The following KCNIP1 variants were observed in gnomAD, a reference collection of about 807,000 sequenced individuals.
KCNIP1 encodes potassium voltage-gated channel interacting protein 1.
Under a neutral mutation model 33.0 loss-of-function variants are expected in KCNIP1, and 18 were observed. The observed-to-expected ratio is 0.55, with a 90% CI of 0.38 to 0.81. The LOEUF (loss-of-function observed/expected upper bound fraction) is 0.81, where lower values mean the gene tolerates loss of function less well. KCNIP1 is among the 30% of genes least tolerant of loss of function. The pLI, the probability that KCNIP1 is intolerant of heterozygous loss-of-function variation, is 0.00. For synonymous variants in KCNIP1, 93 were observed against 98.3 expected, an observed-to-expected ratio of 0.95 and a Z score of 0.32; for missense variants, 238 against 271.6, an observed-to-expected ratio of 0.88 and a Z score of 0.87.
intron 1 of KCNIP1, chr5:170,383,814 CTCAA>C: frequency 6.2e-7 from 1 of 1,614,130 alleles, no homozygotes; most frequent in East Asian, 2.2e-5. Flanking sequence ...TGATGTTGGT[CTCAA>C]TCAGGTGGCA....
chr5:170,617,772 T>A (rs1759443541), intron 1 of KCNIP1, among the ~76,000 whole-genome samples: 1 of 152,218 alleles, frequency 6.6e-6, no homozygotes, highest in Non-Finnish European at 1.5e-5. Flanking sequence ...ATTCTTTTTT[T>A]ATGACCCACC....
chr5:170,649,216 G>A (rs1460583341), intron 1 of KCNIP1, among the ~76,000 whole-genome samples: 1 of 151,966 alleles, frequency 6.6e-6, no homozygotes, highest in Non-Finnish European at 1.5e-5. Context: ...AACATTTGTT[G>A]CAGTATCATT....
intron 1 of KCNIP1, among the ~76,000 whole-genome samples, chr5:170,498,758 A>G (rs904576467): frequency 2.0e-5 from 3 of 152,246 alleles, no homozygotes; most frequent in African/African-American, 7.2e-5. Flanking sequence ...ACATTTGCAG[A>G]GTGCTCTACA....
chr5:170,621,755 C>T (rs570872230), intron 1 of KCNIP1, among the ~76,000 whole-genome samples: 40 of 152,288 alleles, frequency 2.6e-4, no homozygotes, highest in Admixed American at 2.0e-3. Context: ...GTGATCCTCC[C>T]GCCTTGGACT....
chr5:170,692,699 G>C (rs1457965892), intron 1 of KCNIP1, among the ~76,000 whole-genome samples: 3 of 152,134 alleles, frequency 2.0e-5, no homozygotes, highest in Non-Finnish European at 4.4e-5. Context: ...AACACACTTA[G>C]TATGTCTTTA....
At chr5:170,427,385 A>G (rs1433812242) in intron 1 of KCNIP1, among the ~76,000 whole-genome samples, 1 of 152,200 alleles carries the variant, frequency 6.6e-6, no homozygotes, top group Non-Finnish European at 1.5e-5. Context: ...GGACAGGAGC[A>G]TTATAGCTAC....
At position 170,652,522 on chromosome 5, in the gene KCNIP1, A is replaced by AG. The variant is rs1447999560; in HGVS notation, c.62-66236_62-66235insG. Reference sequence around the variant, plus strand: ...AAAAGGAAGGAAGGAAGGAAGGAGAAAAGAAAAAAGAAAAGAAAAGAAAAG... The same window carrying AG: ...AAAAGGAAGGAAGGAAGGAAGGAGAAGAAGAAAAAAGAAAAGAAAAGAAAAG... On this transcript the variant is annotated intron_variant, in intron 1 of 7. Coordinates refer to ENST00000328939, the MANE Select transcript of KCNIP1 (RefSeq NM_014592.4). Among the ~76,000 whole-genome samples, 514 of 129,822 alleles carry AG rather than the reference A, an allele frequency of 4.0e-3. 8 individuals carry two copies. Among genetic ancestry groups the AG allele is most frequent in the South Asian group, 7.6e-3 (28 of 3,692 alleles). The allele number at this position is 129,822 out of a possible 152,430, so 85.2% of individuals were successfully genotyped here. A position where few individuals can be genotyped will look rare whatever the true frequency, so the allele number is the denominator to read the frequency against.
chr5:170,399,258 T>C (rs1754835103), intron 1 of KCNIP1, among the ~76,000 whole-genome samples: 1 of 152,224 alleles, frequency 6.6e-6, no homozygotes, highest in African/African-American at 2.4e-5. Context: ...AGATGCTCTG[T>C]ATGGCCATAA....
Position 170,620,042 on chromosome 5 carries a change from T to C in KCNIP1, c.62-98716T>C, listed in dbSNP as rs541114369. Among the ~76,000 whole-genome samples the C allele has an allele frequency of 3.3e-5, 5 of 152,332 alleles. No individual in the cohort carries two copies. In the South Asian group the frequency reaches 1.0e-3, roughly 32 times the overall value. On this transcript the variant is annotated intron_variant, in intron 1 of 7. Transcript: ENST00000328939. ...TACTAACTTCAAGAGTGTTATGAGC[T>C]ACAAACTTCTCAGTCTCCGTTGACT...
intron 1 of KCNIP1, among the ~76,000 whole-genome samples, chr5:170,698,575 T>G (rs1762978133): frequency 6.6e-6 from 1 of 152,042 alleles, no homozygotes. Context: ...AAAATTCTTC[T>G]AAAATGTCAG....
upstream of KCNIP1, chr5:170,503,930 C>G: frequency 1.6e-5 from 7 of 448,548 alleles, no homozygotes; most frequent in Non-Finnish European, 2.1e-5. Flanking sequence ...GGCTGGGCGT[C>G]CCCCGCCCCC....
intron 1 of KCNIP1, chr5:170,681,506 G>A (rs1429756527): frequency 3.1e-5 from 6 of 192,336 alleles, no homozygotes; most frequent in Middle Eastern, 2.0e-3. Flanking sequence ...CTCTGAAGCT[G>A]TCTGGTAACT....
intron 1 of KCNIP1, among the ~76,000 whole-genome samples, chr5:170,505,737 T>C (rs1226557122): frequency 6.6e-6 from 1 of 152,138 alleles, no homozygotes; most frequent in Non-Finnish European, 1.5e-5. Context: ...TGAAACCCCC[T>C]GGAAGAAGGG....
chr5:170,510,908 T>A (rs1754910638), intron 1 of KCNIP1, among the ~76,000 whole-genome samples: 1 of 152,178 alleles, frequency 6.6e-6, no homozygotes, highest in Non-Finnish European at 1.5e-5. Flanking sequence ...CAGTTTCCTC[T>A]TCTATAAAAT....
intron 1 of KCNIP1, among the ~76,000 whole-genome samples, chr5:170,619,413 T>C (rs1456823445): frequency 6.6e-6 from 1 of 152,068 alleles, no homozygotes; most frequent in Admixed American, 6.5e-5. Flanking sequence ...AGGTATGAGA[T>C]GTAAGACCCC....
chr5:170,630,154 A>G (rs913010506), intron 1 of KCNIP1, among the ~76,000 whole-genome samples: 1 of 151,970 alleles, frequency 6.6e-6, no homozygotes, highest in Admixed American at 6.5e-5. Flanking sequence ...CTCGAGGGAT[A>G]CAGAGAAGAT....
intron 1 of KCNIP1, among the ~76,000 whole-genome samples, chr5:170,399,616 T>C (rs191526397): frequency 5.3e-5 from 8 of 152,348 alleles, no homozygotes; most frequent in Admixed American, 2.6e-4. Flanking sequence ...TAAAGATTGA[T>C]ACAAATCCTT....
At chr5:170,693,015 A>G (rs896309658) in intron 1 of KCNIP1, among the ~76,000 whole-genome samples, 1 of 152,228 alleles carries the variant, frequency 6.6e-6, no homozygotes, top group Non-Finnish European at 1.5e-5. Flanking sequence ...CTGGTTAATA[A>G]ACTAAAAATA....
chr5:170,383,705 C>T (rs1764346786), intron 1 of KCNIP1: 5 of 1,614,060 alleles, frequency 3.1e-6, no homozygotes, highest in Non-Finnish European at 4.2e-6. Flanking sequence ...CGAGTGTCCT[C>T]CGTGTGGTAC....
Sources: allele counts gnomAD v4.1 joint callset (sites outside exome capture counted in the v4.1 genomes callset), GRCh38; gene constraint gnomAD v4.1.1; transcripts MANE v1.5; gene names NCBI Gene and HGNC (gene_info 2026-07-23, HGNC 2026-07-21).